ABHD2: variants seen among roughly 807,000 people sequenced by gnomAD.
ABHD2 encodes abhydrolase domain containing 2, acylglycerol lipase.
Under a neutral mutation model 48.1 loss-of-function variants are expected in ABHD2, and 20 were observed. The ratio of observed to expected loss-of-function variants is 0.42; its 90% CI spans 0.29 to 0.60. ABHD2 has a LOEUF of 0.60. Ranked by LOEUF, ABHD2 falls within the 20% of genes least tolerant of loss-of-function variation. The pLI, the probability that ABHD2 is intolerant of heterozygous loss-of-function variation, is 0.24. For synonymous variants in ABHD2, 209 were observed against 214.2 expected (o/e 0.98, Z 0.21); for missense variants, 405 against 550.9 (o/e 0.74, Z 2.65).
chr15:89,124,061 C>T (rs994157175), intron 3 of ABHD2, among the ~76,000 whole-genome samples: 1 of 152,110 alleles, frequency 6.6e-6, no homozygotes, highest in African/African-American at 2.4e-5. Context: ...TCTGTGTGTA[C>T]GAACACTATA....
In ABHD2 at chr15:89,176,158, T is replaced by C. The variant is rs748569686; in HGVS notation, c.722+163T>C. Among the ~76,000 whole-genome samples, 6 of 152,172 alleles carry C rather than the reference T, an allele frequency of 3.9e-5. No individual in the cohort carries two copies. The highest frequency in any genetic ancestry group is 7.4e-5 in the Non-Finnish European group (5 of 68,020). Reference sequence around the variant, plus strand: ...CCTTGTTTTGTCTGCATATCATACATTGGAGATGCCCCATCAGACCCCTTA... The same window carrying C: ...CCTTGTTTTGTCTGCATATCATACACTGGAGATGCCCCATCAGACCCCTTA... On this transcript the variant is annotated intron_variant, in intron 6 of 10. Transcript: ENST00000352732. The surrounding 1 kb of genome is among the most constrained non-coding windows in gnomAD (Gnocchi z 4.5).
chr15:89,163,542 T>A (rs1470132947), intron 5 of ABHD2, among the ~76,000 whole-genome samples: 1 of 152,256 alleles, frequency 6.6e-6, no homozygotes, highest in Non-Finnish European at 1.5e-5. Context: ...TACCTTGACC[T>A]GAGTCATGTG....
intron 8 of ABHD2, among the ~76,000 whole-genome samples, chr15:89,190,312 G>A (rs2051282796): frequency 6.6e-6 from 1 of 152,242 alleles, no homozygotes; most frequent in South Asian, 2.1e-4. Flanking sequence ...GAGCAGAGCA[G>A]AGCAGAGCTG....
Position 89,191,147 on chromosome 15 carries a change from A to G in ABHD2, c.994A>G (p.Arg332Gly). Residue 332 changes from arginine (R) to glycine (G), a missense_variant and splice_region_variant, in exon 9 of 11, where the codon AGG becomes GGG. Arg to Gly is a moderately radical substitution (Grantham distance 125, BLOSUM62 -2). Coordinates refer to ENST00000352732, the MANE Select transcript of ABHD2 (RefSeq NM_152924.5). ...EEESCMRYLH[R>G]IYVPLMLVNA... ...AGAAAGTTGCATGCGGTACCTGCAC[A>G]GGGTGAGTGGCCATCACGGGCTCAG... is the stretch of plus-strand genomic sequence containing the variant. 6.2e-7 allele frequency: 1 copy of G among 1,613,958 alleles called. No homozygotes were observed. Among genetic ancestry groups the G allele is most frequent in the East Asian group, 2.2e-5 (1 of 44,884 alleles).
intron 4 of ABHD2, among the ~76,000 whole-genome samples, chr15:89,153,316 CTAA>C (rs755745445): frequency 1.3e-5 from 2 of 151,946 alleles, no homozygotes; most frequent in African/African-American, 2.4e-5. Context: ...TAGCTGGCTT[CTAA>C]TAAACAGCCA....
intron 3 of ABHD2, among the ~76,000 whole-genome samples, chr15:89,133,667 G>A (rs1470193864): frequency 6.6e-6 from 1 of 151,904 alleles, no homozygotes; most frequent in Non-Finnish European, 1.5e-5. Context: ...CTGCCTGTTG[G>A]TGGCCTCTAA....
intron 5 of ABHD2, among the ~76,000 whole-genome samples, chr15:89,158,535 G>A (rs926790781): frequency 3.3e-5 from 5 of 152,148 alleles, no homozygotes; most frequent in African/African-American, 9.7e-5. Flanking sequence ...CTCTGGATCC[G>A]ATGCCCCAGC....
chr15:89,098,328 A>T (rs981390622), intron 1 of ABHD2, among the ~76,000 whole-genome samples: 1 of 152,144 alleles, frequency 6.6e-6, no homozygotes, highest in African/African-American at 2.4e-5. Flanking sequence ...CAGCTGGGAA[A>T]TGTTCTTTTT....
At chr15:89,154,681 G>A (rs1195943366) in intron 4 of ABHD2, among the ~76,000 whole-genome samples, 2 of 152,130 alleles carry the variant, frequency 1.3e-5, no homozygotes, top group African/African-American at 4.8e-5. Flanking sequence ...ATTTATGGAA[G>A]AGCTTGCCAC....
At chr15:89,072,697 AGC>A in the ABHD2 span, among the ~76,000 whole-genome samples, 6 of 152,338 alleles carry the variant, frequency 3.9e-5, no homozygotes, top group Non-Finnish European at 7.3e-5. Context: ...TGACTGAGGC[AGC>A]TCTACATGAT....
chr15:89,087,901 C>A (rs293369), upstream of ABHD2: 56,917 of 151,900 alleles, frequency 0.37, 11,308 homozygotes, highest in Non-Finnish European at 0.45. The surrounding 1 kb of genome is among the most constrained non-coding windows in gnomAD (Gnocchi z 5.5). Context: ...GACTCACGAC[C>A]CTTCTTCCTC....
chr15:89,201,892 C>A lies in ABHD2; in HGVS notation c.*6469C>A. On this transcript the variant is annotated 3_prime_UTR_variant, in exon 11 of 11. Transcript: ENST00000352732. ...GAGGGGGAGCGAGTTCGCATCTCTCCTTTTCCTGGTTAGACTCTGTTCAAC... is the reference window on the plus strand; with the variant it reads ...GAGGGGGAGCGAGTTCGCATCTCTCATTTTCCTGGTTAGACTCTGTTCAAC... The A allele has an allele frequency of 1.5e-6, 1 of 652,634 alleles. No homozygotes were observed. Among genetic ancestry groups the A allele is most frequent in the Non-Finnish European group, 2.7e-6 (1 of 375,552 alleles). The allele number at this position is 652,634 out of a possible 1,614,324, so 40.4% of individuals were successfully genotyped here.
chr15:89,064,891 G>C, the ABHD2 span, among the ~76,000 whole-genome samples: 1 of 152,038 alleles, frequency 6.6e-6, no homozygotes, highest in Non-Finnish European at 1.5e-5. Context: ...TGAAGAAATA[G>C]AGTATTCTCA....
the ABHD2 span, among the ~76,000 whole-genome samples, chr15:89,056,942 T>C: frequency 7.4e-5 from 11 of 148,984 alleles, no homozygotes; most frequent in Admixed American, 6.7e-4. Context: ...AGATGGAGTT[T>C]TGCGCTTGTT....
At chr15:89,113,941 A>C (rs149534885) in intron 2 of ABHD2, 117 bp downstream of exon 2, 5 of 152,230 alleles carry the variant, frequency 3.3e-5, no homozygotes, top group Admixed American at 6.5e-5. Context: ...CCCCAAACCA[A>C]CAAGGAAACT....
intron 6 of ABHD2, chr15:89,183,400 T>A (rs1184531008): frequency 1.8e-4 from 22 of 122,928 alleles, no homozygotes; most frequent in African/African-American, 4.8e-4. Context: ...TATATATATA[T>A]ATATATATAT....
Position 89,201,682 on chromosome 15 carries a change from T to C in ABHD2, c.*6259T>C, listed in dbSNP as rs2051466677. ...AAACACACTTTTCTATCCGATGGAT[T>C]TCGCAATTTAAGATTTGTAGTGACT... On this transcript the variant is annotated 3_prime_UTR_variant, in exon 11 of 11. Coordinates refer to ENST00000352732, the MANE Select transcript of ABHD2 (RefSeq NM_152924.5). The C allele has an allele frequency of 1.2e-6, 2 of 1,609,032 alleles. No homozygotes were observed. The highest frequency in any genetic ancestry group is 1.7e-5 in the Admixed American group (1 of 60,020).
Sources: allele counts gnomAD v4.1 joint callset (sites outside exome capture counted in the v4.1 genomes callset), GRCh38; gene constraint gnomAD v4.1.1; non-coding constraint Gnocchi (gnomAD v3.1); transcripts MANE v1.5; gene names NCBI Gene and HGNC (gene_info 2026-07-23, HGNC 2026-07-21).